Variants in FSTL5 observed in about 807,000 individuals in gnomAD.
FSTL5 encodes follistatin like 5.
Under a neutral mutation model 89.1 loss-of-function variants are expected in FSTL5, and 62 were observed. The ratio of observed to expected loss-of-function variants is 0.70; its 90% confidence interval spans 0.57 to 0.86. The LOEUF (loss-of-function observed/expected upper bound fraction) is 0.86. FSTL5 is among the 40% of genes least tolerant of loss of function. FSTL5 has a pLI of 0.00. For synonymous variants in FSTL5, 383 were observed against 346.2 expected (o/e 1.11, Z -1.18); for missense variants, 1,057 against 1,001.6 (o/e 1.06, Z -0.75).
rs1171921439 is a variant in FSTL5 at position 161,752,223 on chromosome 4, G to GGATA, written c.727+7187_727+7188insTATC. Among the ~76,000 whole-genome samples the GGATA allele has an allele frequency of 2.1e-3, 286 of 133,704 alleles. 3 individuals carry two copies. The highest frequency in any genetic ancestry group is 7.2e-3 in the African/African-American group (259 of 35,984). The allele number at this position is 133,704 out of a possible 152,430, so 87.7% of individuals were successfully genotyped here. A position where few individuals can be genotyped will look rare whatever the true frequency, so the allele number is the denominator to read the frequency against. On this transcript the variant is annotated intron_variant, in intron 6 of 15. Coordinates refer to ENST00000306100, the MANE Select transcript of FSTL5 (RefSeq NM_020116.5). ...TGTTAAATATAGACAGATGATAGAT[G>GGATA]GACAGATAGATAGATAGATAGATAG...
chr4:161,989,589 T>G (rs1187096988), intron 3 of FSTL5, among the ~76,000 whole-genome samples: 1 of 152,094 alleles, frequency 6.6e-6, no homozygotes, highest in African/African-American at 2.4e-5. Context: ...GCGACTTTAT[T>G]GAAATATCAA....
intron 6 of FSTL5, among the ~76,000 whole-genome samples, chr4:161,726,184 A>G (rs1460683304): frequency 6.6e-6 from 1 of 151,840 alleles, no homozygotes; most frequent in Non-Finnish European, 1.5e-5. Flanking sequence ...GGATCTTTGG[A>G]AAAAAATTAG....
chr4:161,834,971 C>T (rs1413888388), intron 4 of FSTL5, among the ~76,000 whole-genome samples: 1 of 146,580 alleles, frequency 6.8e-6, no homozygotes, highest in Non-Finnish European at 1.5e-5. Context: ...TCATATGACA[C>T]CAAAAAAGAG....
chr4:161,869,858 T>C (rs989927460), intron 4 of FSTL5, among the ~76,000 whole-genome samples: 1 of 152,212 alleles, frequency 6.6e-6, no homozygotes, highest in African/African-American at 2.4e-5. Flanking sequence ...ATAATTGGAC[T>C]TAAATGCAGA....
intron 7 of FSTL5, among the ~76,000 whole-genome samples, chr4:161,638,651 G>A (rs1185156140): frequency 2.2e-5 from 3 of 138,402 alleles, no homozygotes; most frequent in Admixed American, 7.6e-5. Flanking sequence ...CATTTTATGA[G>A]GCCAGCATCA....
chr4:161,587,760 T>C (rs1264963001), intron 7 of FSTL5, among the ~76,000 whole-genome samples, 185 bp from the exon 8 acceptor site: 2 of 152,234 alleles, frequency 1.3e-5, no homozygotes, highest in Non-Finnish European at 2.9e-5. Flanking sequence ...ACAATATGTT[T>C]TGTTTAAAAA....
intron 6 of FSTL5, among the ~76,000 whole-genome samples, chr4:161,725,257 T>A (rs1739358199): frequency 6.6e-6 from 1 of 152,098 alleles, no homozygotes; most frequent in Non-Finnish European, 1.5e-5. Flanking sequence ...CGAAGGTGAA[T>A]TATGATTTGA....
At chr4:161,781,773 CA>C (rs1342392996) in intron 4 of FSTL5, among the ~76,000 whole-genome samples, 6 of 152,206 alleles carry the variant, frequency 3.9e-5, no homozygotes, top group Non-Finnish European at 1.5e-5. Context: ...ACTTTAGATA[CA>C]TTAAAGTTCT....
At chr4:161,604,628 G>A (rs1306670175) in intron 7 of FSTL5, among the ~76,000 whole-genome samples, 1 of 152,076 alleles carries the variant, frequency 6.6e-6, no homozygotes, top group Non-Finnish European at 1.5e-5. Context: ...AAAGTCACTG[G>A]GGTTACAAAA....
At chr4:161,714,165 AG>A (rs1366515551) in intron 6 of FSTL5, among the ~76,000 whole-genome samples, 1 of 152,068 alleles carries the variant, frequency 6.6e-6, no homozygotes, top group African/African-American at 2.4e-5. Flanking sequence ...CTGTTTCAGG[AG>A]CCTTCCATCT....
chr4:162,116,121 T>C lies in FSTL5; in HGVS notation c.-16-4709A>G, dbSNP rs145323771. On this transcript the variant is annotated intron_variant, in intron 1 of 15. Coordinates refer to ENST00000306100, the MANE Select transcript of FSTL5 (RefSeq NM_020116.5). The stretch of plus-strand genomic sequence containing the variant: ...TTGTGAGTGGGCCATTTCAGGTTCT[T>C]GACTTAATGGCACAAAAGACTTTGA... 2.9e-4 allele frequency among the ~76,000 whole-genome samples: 44 copies of C among 152,266 alleles called. 1 individual carries two copies. In the East Asian group the frequency reaches 8.3e-3, roughly 29 times the overall value.
intron 3 of FSTL5, among the ~76,000 whole-genome samples, chr4:162,026,826 C>A (rs960059634): frequency 6.6e-6 from 1 of 152,044 alleles, no homozygotes; most frequent in East Asian, 1.9e-4. Context: ...TAGAAAAAAA[C>A]CTAAATCAAT....
chr4:161,847,088 TA>T (rs1560878878), intron 4 of FSTL5, among the ~76,000 whole-genome samples: 1 of 152,088 alleles, frequency 6.6e-6, no homozygotes, highest in African/African-American at 2.4e-5. Flanking sequence ...CTGAGAAAAA[TA>T]AATACTATTT....
chr4:162,152,268 C>T (rs1263560733), intron 1 of FSTL5, among the ~76,000 whole-genome samples: 1 of 152,128 alleles, frequency 6.6e-6, no homozygotes, highest in Non-Finnish European at 1.5e-5. Context: ...GAAACTTTCT[C>T]TTCAGTTTTT....
chr4:161,622,259 C>G (rs1236280853), intron 7 of FSTL5, among the ~76,000 whole-genome samples: 1 of 151,912 alleles, frequency 6.6e-6, no homozygotes, highest in African/African-American at 2.4e-5. Flanking sequence ...AATCTTTCCC[C>G]ACAAAAATTT....
intron 4 of FSTL5, among the ~76,000 whole-genome samples, chr4:161,879,899 T>C (rs776623113): frequency 1.6e-4 from 25 of 152,230 alleles, no homozygotes; most frequent in Non-Finnish European, 2.9e-4. Context: ...TCTCAGTAGA[T>C]TGATAGCTCC....
intron 7 of FSTL5, among the ~76,000 whole-genome samples, chr4:161,623,551 T>C (rs1012189361): frequency 5.9e-5 from 9 of 152,088 alleles, no homozygotes; most frequent in African/African-American, 2.2e-4. Context: ...AATGAAGTGA[T>C]ATATATTTAG....
intron 2 of FSTL5, among the ~76,000 whole-genome samples, chr4:162,096,253 TA>T (rs1730749496): frequency 6.6e-6 from 1 of 151,914 alleles, no homozygotes; most frequent in Admixed American, 6.6e-5. Context: ...TGGAACTAGC[TA>T]AAAACCATCT....
chr4:161,724,623 T>C (rs1021357343), intron 6 of FSTL5, among the ~76,000 whole-genome samples: 1 of 152,190 alleles, frequency 6.6e-6, no homozygotes, highest in Non-Finnish European at 1.5e-5. Context: ...AGTTTCTATG[T>C]CTGAATGCAA....
Sources: gnomAD v4.1 joint callset for allele counts (sites outside exome capture counted in the v4.1 genomes callset) on GRCh38, gnomAD v4.1.1 for gene constraint, MANE v1.5 for transcripts, NCBI Gene and HGNC (gene_info 2026-07-23, HGNC 2026-07-21) for gene names.